USP45: variants seen among roughly 807,000 people sequenced by gnomAD.
The protein encoded by USP45 is ubiquitin carboxyl-terminal hydrolase 45.
Under a neutral mutation model 95.8 loss-of-function variants are expected in USP45, and 89 were observed. The ratio of observed to expected loss-of-function variants is 0.93; its 90% confidence interval spans 0.78 to 1.11. The LOEUF is 1.11. Ranked by LOEUF, USP45 falls within the 50% of genes least tolerant of loss-of-function variation. The probability of loss-of-function intolerance (pLI) is 0.00; values close to 1 mark genes in which losing one functional copy is unlikely to be tolerated. For missense variants in USP45, 898 were observed against 942.5 expected (o/e 0.95, Z 0.62); for synonymous variants, 281 against 316.2 (o/e 0.89, Z 1.18).
At position 99,446,411 on chromosome 6, in the gene USP45, G is replaced by A. The variant is rs1346210590; in HGVS notation, c.1361C>T (p.Thr454Ile). The A allele has an allele frequency of 6.2e-7, 1 of 1,613,956 alleles. No homozygotes were observed. Among genetic ancestry groups the A allele is most frequent in the East Asian group, 2.2e-5 (1 of 44,890 alleles). The change falls in exon 14 of 18, where the codon ACT becomes ATT. Residue 454 changes from threonine to isoleucine, a missense_variant. Transcript: ENST00000500704. ...KCIRKLSSGE[T>I]VTYQKNENLE... The stretch of plus-strand genomic sequence containing the variant: ...GTTTTCATTTTTCTGGTATGTGACA[G>A]TTTCTCCAGATGACAATTTTCTAAT...
Position 99,437,275 on chromosome 6 carries a change from TCCGATA to T in USP45, c.2279_2284del (p.Leu760_Glu762delinsTer). On this transcript the variant is annotated stop_gained and inframe_deletion, in exon 17 of 18. Transcript: ENST00000500704. LOFTEE classifies it high-confidence loss of function. ...CACATTTTTCTTTTTAGTGTTATGT[TCCGATA>T]ATTTCCTGGAGGGTGTTCTCACTTT... The T allele has an allele frequency of 6.2e-7, 1 of 1,610,650 alleles. No individual in the cohort carries two copies. The highest frequency in any genetic ancestry group is 1.1e-5 in the South Asian group (1 of 89,912).
chr6:99,445,410 G>A (rs1782327473), intron 14 of USP45, among the ~76,000 whole-genome samples: 2 of 151,676 alleles, frequency 1.3e-5, no homozygotes, highest in South Asian at 4.2e-4. Context: ...TTGAACTCAG[G>A]AGGTGGAGGT....
chr6:99,511,354 T>C (rs1368122542), intron 1 of USP45, among the ~76,000 whole-genome samples: 1 of 151,548 alleles, frequency 6.6e-6, no homozygotes, highest in Non-Finnish European at 1.5e-5. Flanking sequence ...AGGGTTTCAC[T>C]GTGTTAGTCA....
chr6:99,516,854 A>T (rs929188936), upstream of USP45, among the ~76,000 whole-genome samples: 1 of 152,228 alleles, frequency 6.6e-6, no homozygotes, highest in Non-Finnish European at 1.5e-5. Flanking sequence ...AAGAGATTTT[A>T]AAAAATATAT....
At chr6:99,457,768 G>A (rs1785420872) in intron 13 of USP45, among the ~76,000 whole-genome samples, 2 of 152,114 alleles carry the variant, frequency 1.3e-5, no homozygotes, top group South Asian at 4.1e-4. Context: ...ACATATCCGA[G>A]GCATTACCAC....
intron 17 of USP45, among the ~76,000 whole-genome samples, chr6:99,436,901 G>C (rs527480499): frequency 3.3e-5 from 5 of 152,022 alleles, no homozygotes; most frequent in African/African-American, 1.2e-4. Flanking sequence ...GGAGTTTGAG[G>C]CCAGCCTGGC....
At chr6:99,464,989 C>T (rs1787559523) in intron 12 of USP45, 91 bp downstream of exon 12, 2 of 1,138,696 alleles carry the variant, frequency 1.8e-6, no homozygotes, top group South Asian at 3.6e-5. Context: ...AATAATGACT[C>T]TCAGATATCT....
At chr6:99,489,919 C>G (rs1457166811) in intron 5 of USP45, among the ~76,000 whole-genome samples, 1 of 151,800 alleles carries the variant, frequency 6.6e-6, no homozygotes, top group East Asian at 1.9e-4. Context: ...CCACTGCACT[C>G]CAGTCTGGGT....
At chr6:99,489,716 G>A (rs1169651240) in intron 5 of USP45, among the ~76,000 whole-genome samples, 1 of 152,158 alleles carries the variant, frequency 6.6e-6, no homozygotes, top group East Asian at 1.9e-4. Context: ...GGAGGCTGAA[G>A]CAGGTGGATC....
chr6:99,456,459 G>A (rs552012989), intron 13 of USP45, among the ~76,000 whole-genome samples: 93 of 152,322 alleles, frequency 6.1e-4, no homozygotes, highest in African/African-American at 2.1e-3. Context: ...CCCAAATGGA[G>A]GGACCGGCTG....
At chr6:99,506,969 G>A (rs1798667019) in intron 4 of USP45, among the ~76,000 whole-genome samples, 1 of 152,208 alleles carries the variant, frequency 6.6e-6, no homozygotes, top group Non-Finnish European at 1.5e-5. Flanking sequence ...ACTTGGGGAG[G>A]CCAAGGAGGG....
At chr6:99,483,667 T>C (rs2128711127) in intron 7 of USP45, among the ~76,000 whole-genome samples, 1 of 150,792 alleles carries the variant, frequency 6.6e-6, no homozygotes, top group South Asian at 2.1e-4. Flanking sequence ...TGAAACCCTG[T>C]CTCTACTAAA....
At chr6:99,474,138 T>TC (rs1264952487) in intron 9 of USP45, among the ~76,000 whole-genome samples, 1 of 152,202 alleles carries the variant, frequency 6.6e-6, no homozygotes, top group African/African-American at 2.4e-5. Flanking sequence ...ACTCTAATTT[T>TC]CTCTTCACTG....
chr6:99,503,881 A>G lies in USP45; in HGVS notation c.378-16T>C. 6.8e-7 allele frequency: 1 copy of G among 1,468,442 alleles called. No homozygotes were observed. The highest frequency in any genetic ancestry group is 1.3e-5 in the South Asian group (1 of 75,644). The allele number at this position is 1,468,442 out of a possible 1,614,324, so 91.0% of individuals were successfully genotyped here. A position where few individuals can be genotyped will look rare whatever the true frequency, so the allele number is the denominator to read the frequency against. Reference sequence around the variant, plus strand: ...TTCATAACACCTGAAAAAGTATAAAATTTAAGAAAATATTATGAAAATATT... The same window carrying G: ...TTCATAACACCTGAAAAAGTATAAAGTTTAAGAAAATATTATGAAAATATT... On this transcript the variant is annotated splice_polypyrimidine_tract_variant and intron_variant, in intron 4 of 17. Transcript: ENST00000500704.
Position 99,452,316 on chromosome 6 carries a change from C to G in USP45, c.1309-5853G>C, listed in dbSNP as rs191565368. Among the ~76,000 whole-genome samples the G allele has an allele frequency of 3.5e-3, 527 of 152,198 alleles. 2 individuals carry two copies. The highest frequency in any genetic ancestry group is 0.011 in the African/African-American group (441 of 41,518). On this transcript the variant is annotated intron_variant, in intron 13 of 17. Coordinates refer to ENST00000500704, the MANE Select transcript of USP45 (RefSeq NM_001346022.3). ...GCAAATATCCAGAATCTACAAAGAA[C>G]TCAAACAAATTTACAAGAAAAAAAC...
chr6:99,446,500 G>T (rs995283126), intron 13 of USP45, 37 bp from the exon 14 acceptor site: 16 of 1,531,568 alleles, frequency 1.0e-5, no homozygotes, highest in Non-Finnish European at 1.4e-5. Context: ...AAAGAGTCTT[G>T]TAACCTCATT....
intron 13 of USP45, among the ~76,000 whole-genome samples, chr6:99,452,069 TA>T (rs1435420382): frequency 2.0e-5 from 3 of 152,096 alleles, no homozygotes; most frequent in Admixed American, 1.3e-4. Flanking sequence ...GCTAAAACCA[TA>T]AAAACCCTAG....
At chr6:99,441,493 T>C (rs12204243) in intron 15 of USP45, among the ~76,000 whole-genome samples, 19,810 of 151,708 alleles carry the variant, frequency 0.13, 1,848 homozygotes, top group Non-Finnish European at 0.18. Flanking sequence ...GATCGCGCCA[T>C]TGCACTCCAG....
intron 8 of USP45, among the ~76,000 whole-genome samples, chr6:99,477,535 A>G (rs1437139020): frequency 6.6e-6 from 1 of 151,998 alleles, no homozygotes; most frequent in African/African-American, 2.4e-5. Context: ...CTGGTCTCGA[A>G]CTCCTGACCT....
Sources: gnomAD v4.1 joint callset for allele counts (sites outside exome capture counted in the v4.1 genomes callset) on GRCh38, gnomAD v4.1.1 for gene constraint, MANE v1.5 for transcripts, NCBI Gene and HGNC (gene_info 2026-07-23, HGNC 2026-07-21) for gene names.